IGSF21: variants seen among roughly 807,000 people sequenced by gnomAD.
The protein encoded by IGSF21 is immunoglobin superfamily member 21, also known as immunoglobulin superfamily member 21.
IGSF21 carries 28 observed loss-of-function variants against 46.8 expected under a neutral mutation model. That is an observed-to-expected ratio of 0.60 (90% CI 0.44 to 0.82). The LOEUF (loss-of-function observed/expected upper bound fraction) is 0.82. Among genes scored for constraint, IGSF21 ranks in the 40% least tolerant of loss-of-function variants. The pLI, the probability that IGSF21 is intolerant of heterozygous loss-of-function variation, is 0.00. For synonymous variants in IGSF21, 284 were observed against 273.6 expected (o/e 1.04, Z -0.38); for missense variants, 624 against 665.5 (o/e 0.94, Z 0.69).
rs149311174 is a variant in IGSF21, at chr1:18,129,066, C to T, written c.70+20868C>T. ...ATGGATAGAGATTAAGGTGGCGGTC[C>T]GTGCATCCGTTTTGTAGCAGCTGAG... On this transcript the variant is annotated intron_variant, in intron 1 of 9. Transcript: ENST00000251296. 1.6e-4 allele frequency among the ~76,000 whole-genome samples: 25 copies of T among 152,194 alleles called. No individual in the cohort carries two copies. The East Asian group carries it at 1.9e-3, about 12-fold the overall frequency.
At chr1:18,117,940 T>C (rs1035750394) in intron 1 of IGSF21, among the ~76,000 whole-genome samples, 1 of 152,180 alleles carries the variant, frequency 6.6e-6, no homozygotes, top group African/African-American at 2.4e-5. Flanking sequence ...GGTCTTCTCC[T>C]TCAATGTCAG....
At chr1:18,201,243 G>T (rs1407812693) in intron 1 of IGSF21, among the ~76,000 whole-genome samples, 2 of 152,134 alleles carry the variant, frequency 1.3e-5, no homozygotes, top group African/African-American at 4.8e-5. Flanking sequence ...GAAGGATGGA[G>T]CTCCCTGGAG....
intron 2 of IGSF21, among the ~76,000 whole-genome samples, chr1:18,266,930 C>G (rs142772351): frequency 1.3e-5 from 2 of 152,134 alleles, no homozygotes; most frequent in East Asian, 1.9e-4. Context: ...AAAGGGAGAC[C>G]CAGCAAATGG....
At chr1:18,314,842 G>A (rs2085524789) in intron 3 of IGSF21, among the ~76,000 whole-genome samples, 1 of 152,192 alleles carries the variant, frequency 6.6e-6, no homozygotes, top group Non-Finnish European at 1.5e-5. Context: ...GAGGGGAAGA[G>A]CTGGATGGGC....
intron 1 of IGSF21, among the ~76,000 whole-genome samples, chr1:18,226,697 T>C (rs2084570535): frequency 6.6e-6 from 1 of 152,334 alleles, no homozygotes; most frequent in South Asian, 2.1e-4. Flanking sequence ...GTTGTAACCA[T>C]TGAGTTCCAG....
chr1:18,367,603 C>CTTTTTT (rs35019096), intron 6 of IGSF21, among the ~76,000 whole-genome samples: 12 of 73,962 alleles, frequency 1.6e-4, no homozygotes, highest in African/African-American at 3.9e-4. Flanking sequence ...CTCTCTCTCT[C>CTTTTTT]TTTTTTTTTT....
rs1557627130 is a variant in IGSF21 at position 18,290,131 on chromosome 1, T to C, written c.184-1735T>C. 1.3e-5 allele frequency among the ~76,000 whole-genome samples: 2 copies of C among 152,046 alleles called. No homozygotes were observed. Among genetic ancestry groups the C allele is most frequent in the African/African-American group, 4.8e-5 (2 of 41,382 alleles). On this transcript the variant is annotated intron_variant, in intron 2 of 9. Transcript: ENST00000251296. This position sits in a 1 kb window ranked among gnomAD's most constrained non-coding sequence, Gnocchi z 4.2. Reference sequence around the variant, plus strand: ...GGTTGGTTGGGGTGAGCATCTTTCTTGGGGTGAGTGCCAGCAGGGATCCCA... The same window carrying C: ...GGTTGGTTGGGGTGAGCATCTTTCTCGGGGTGAGTGCCAGCAGGGATCCCA...
chr1:18,150,348 C>T (rs182643421), intron 1 of IGSF21, among the ~76,000 whole-genome samples: 41 of 152,210 alleles, frequency 2.7e-4, no homozygotes, highest in South Asian at 4.2e-4. Context: ...ACCTTCCTTA[C>T]GGAGGCTGGG....
chr1:18,362,466 A>G (rs1275431068), intron 5 of IGSF21, among the ~76,000 whole-genome samples: 1 of 152,152 alleles, frequency 6.6e-6, no homozygotes, highest in Non-Finnish European at 1.5e-5. Flanking sequence ...CCTGGAGACA[A>G]AGTACTAGAA....
chr1:18,344,796 A>G (rs1195076262), intron 4 of IGSF21, among the ~76,000 whole-genome samples: 1 of 152,158 alleles, frequency 6.6e-6, no homozygotes, highest in Non-Finnish European at 1.5e-5. Context: ...GTGGAAAATG[A>G]TCAGCTCCTT....
chr1:18,130,528 T>C (rs955009129), intron 1 of IGSF21, among the ~76,000 whole-genome samples: 3 of 152,190 alleles, frequency 2.0e-5, no homozygotes, highest in Admixed American at 6.5e-5. Context: ...CACTGTATCA[T>C]GTAATCCTCT....
chr1:18,348,922 A>G (rs2085922885), intron 4 of IGSF21, among the ~76,000 whole-genome samples: 1 of 152,188 alleles, frequency 6.6e-6, no homozygotes, highest in South Asian at 2.1e-4. Flanking sequence ...GAAGCTCCCA[A>G]GCCAAGCAAT....
chr1:18,372,754 A>G (rs1278746868), intron 6 of IGSF21, among the ~76,000 whole-genome samples: 1 of 148,988 alleles, frequency 6.7e-6, no homozygotes, highest in East Asian at 2.0e-4. Flanking sequence ...GGATGGATGG[A>G]TGAATGGATG....
chr1:18,338,203 C>T (rs2085791715), intron 4 of IGSF21, among the ~76,000 whole-genome samples: 1 of 152,220 alleles, frequency 6.6e-6, no homozygotes, highest in African/African-American at 2.4e-5. Flanking sequence ...TAAATAGTAT[C>T]TCTTAATGAC....
At chr1:18,345,076 G>A (rs2085879432) in intron 4 of IGSF21, among the ~76,000 whole-genome samples, 1 of 152,102 alleles carries the variant, frequency 6.6e-6, no homozygotes, top group African/African-American at 2.4e-5. Flanking sequence ...ACCAGGCTGG[G>A]GCTACTCTTA....
At chr1:18,316,535 GC>G in intron 3 of IGSF21, among the ~76,000 whole-genome samples, 1 of 152,194 alleles carries the variant, frequency 6.6e-6, no homozygotes, top group African/African-American at 2.4e-5. Flanking sequence ...GCAAGCCCCT[GC>G]CCCCGTATTT....
chr1:18,276,210 T>C (rs1250913577), intron 2 of IGSF21, among the ~76,000 whole-genome samples: 1 of 152,110 alleles, frequency 6.6e-6, no homozygotes, highest in Non-Finnish European at 1.5e-5. Flanking sequence ...ACCACTGTTC[T>C]GGCTGAGCAA....
At chr1:18,345,722 A>T (rs963022138) in intron 4 of IGSF21, among the ~76,000 whole-genome samples, 3 of 152,124 alleles carry the variant, frequency 2.0e-5, no homozygotes, top group African/African-American at 7.2e-5. Context: ...TATACCAGGG[A>T]CTGTTCTGCT....
chr1:18,353,387 A>C (rs1457041274), intron 4 of IGSF21, among the ~76,000 whole-genome samples: 1 of 151,816 alleles, frequency 6.6e-6, no homozygotes, highest in Admixed American at 6.6e-5. Flanking sequence ...CCTCCAATCC[A>C]TTCACTCATT....
Sources: allele counts gnomAD v4.1 joint callset (sites outside exome capture counted in the v4.1 genomes callset), GRCh38; gene constraint gnomAD v4.1.1; non-coding constraint Gnocchi (gnomAD v3.1); transcripts MANE v1.5; gene names NCBI Gene and HGNC (gene_info 2026-07-23, HGNC 2026-07-21).